Variants in CAMTA1 observed in about 807,000 individuals in gnomAD.
CAMTA1 encodes calmodulin binding transcription activator 1.
Under a neutral mutation model 170.9 loss-of-function variants are expected in CAMTA1, and 27 were observed. The observed-to-expected ratio is 0.16, with a 90% CI of 0.12 to 0.22. The LOEUF is 0.22. Among genes scored for constraint, CAMTA1 ranks in the 10% least tolerant of loss-of-function variants. CAMTA1 has a pLI of 1.00. For missense variants in CAMTA1, 1,619 were observed against 2,217.2 expected, an observed-to-expected ratio of 0.73 and a Z score of 5.42; for synonymous variants, 833 against 891.5, an observed-to-expected ratio of 0.93 and a Z score of 1.17.
In CAMTA1 at chr1:7,286,350, A is replaced by G. The variant is rs1043253825; in HGVS notation, c.438+36724A>G. Among the ~76,000 whole-genome samples, 1 of 152,192 alleles carries G rather than the reference A, an allele frequency of 6.6e-6. No individual in the cohort carries two copies. The highest frequency in any genetic ancestry group is 1.5e-5 in the Non-Finnish European group (1 of 68,036). ...AGCAACGATTCTTGATTTGAGGTCT[A>G]TGGGTGGTCCTGGAAGATCGTCATG... is the stretch of plus-strand genomic sequence containing the variant. On this transcript the variant is annotated intron_variant, in intron 5 of 22. Transcript: ENST00000303635. This position sits in a 1 kb window ranked among gnomAD's most constrained non-coding sequence, Gnocchi z 4.2.
chr1:7,005,692 C>T (rs565101553), intron 3 of CAMTA1, among the ~76,000 whole-genome samples: 5 of 152,292 alleles, frequency 3.3e-5, no homozygotes, highest in African/African-American at 1.2e-4. Context: ...TTCCTACGTA[C>T]GTAGGTATTC....
At chr1:7,531,936 G>A (rs2094496885) in intron 6 of CAMTA1, among the ~76,000 whole-genome samples, 1 of 152,138 alleles carries the variant, frequency 6.6e-6, no homozygotes, top group South Asian at 2.1e-4. Context: ...TGAACAGATA[G>A]TAATTTTTTT....
Position 6,887,969 on chromosome 1 carries a change from T to C in CAMTA1, c.234+62759T>C, listed in dbSNP as rs1310080156. 8.1e-7 allele frequency: 1 copy of C among 1,237,164 alleles called. No individual in the cohort carries two copies. The highest frequency in any genetic ancestry group is 1.5e-5 in the African/African-American group (1 of 65,184). 76.6% of individuals were successfully genotyped at this position (1,237,164 alleles called of 1,614,324 possible). ...GAGAGCAGGGCTCTGTGCACACGCC[T>C]CCTGGTCCAGAGGCCTCCGTGACCA... On this transcript the variant is annotated intron_variant, in intron 3 of 22. Coordinates refer to ENST00000303635, the MANE Select transcript of CAMTA1 (RefSeq NM_015215.4). The surrounding 1 kb of genome is among the most constrained non-coding windows in gnomAD (Gnocchi z 4.1).
chr1:7,624,138 G>A (rs569941076), intron 6 of CAMTA1, among the ~76,000 whole-genome samples: 106 of 152,356 alleles, frequency 7.0e-4, no homozygotes, highest in Middle Eastern at 6.8e-3. Context: ...CAAGGCAGCC[G>A]TGGTAAGACC....
rs564870781 is a variant in CAMTA1 at position 6,839,650 on chromosome 1, G to A, written c.234+14440G>A. ...AGGTGTGAGCACATCAGTAGATTTC[G>A]TAGGAAAGGCCTTTCTTAGGAAGTT... On this transcript the variant is annotated intron_variant, in intron 3 of 22. Transcript: ENST00000303635. Among the ~76,000 whole-genome samples the A allele has an allele frequency of 1.2e-4, 19 of 152,274 alleles. No homozygotes were observed. The South Asian group carries it at 3.3e-3, about 27-fold the overall frequency.
At chr1:7,539,431 A>T (rs1474143365) in intron 6 of CAMTA1, among the ~76,000 whole-genome samples, 1 of 152,242 alleles carries the variant, frequency 6.6e-6, no homozygotes, top group Non-Finnish European at 1.5e-5. Flanking sequence ...AATGAAAGAT[A>T]GTACAAGTGG....
chr1:7,174,497 C>A lies in CAMTA1; in HGVS notation c.303-74994C>A, dbSNP rs535618962. On this transcript the variant is annotated intron_variant, in intron 4 of 22. Coordinates refer to ENST00000303635, the MANE Select transcript of CAMTA1 (RefSeq NM_015215.4). ...TGCCTTGGATGAGAGAAGAGGTAAC[C>A]GAAACAGCTCTGGCATGACTGGAAG... 5.9e-5 allele frequency among the ~76,000 whole-genome samples: 9 copies of A among 152,258 alleles called. No individual in the cohort carries two copies. In the South Asian group the frequency reaches 1.5e-3, roughly 25 times the overall value.
rs564959182 is a variant in CAMTA1, at chr1:6,843,772, G to A, written c.234+18562G>A. Among the ~76,000 whole-genome samples the A allele has an allele frequency of 1.7e-4, 26 of 152,260 alleles. No homozygotes were observed. The South Asian group carries it at 4.4e-3, about 26-fold the overall frequency. On this transcript the variant is annotated intron_variant, in intron 3 of 22. Transcript: ENST00000303635. Reference sequence around the variant, plus strand: ...TGGGATTATAGGCATGAGCCACTGCGCCCGGCCCCAAACTTTTTTATAATT... The same window carrying A: ...TGGGATTATAGGCATGAGCCACTGCACCCGGCCCCAAACTTTTTTATAATT...
chr1:7,021,938 C>T (rs1701412599), intron 3 of CAMTA1, among the ~76,000 whole-genome samples: 2 of 152,138 alleles, frequency 1.3e-5, no homozygotes. Flanking sequence ...GTGGTTTATT[C>T]GGTAGGACAA....
chr1:7,225,846 G>A (rs1344872238), intron 4 of CAMTA1, among the ~76,000 whole-genome samples: 3 of 152,152 alleles, frequency 2.0e-5, no homozygotes, highest in African/African-American at 7.2e-5. Flanking sequence ...ACATCCCCTC[G>A]ACTGTTCCAG....
chr1:7,124,732 G>A (rs1644836326), intron 4 of CAMTA1, among the ~76,000 whole-genome samples: 1 of 152,250 alleles, frequency 6.6e-6, no homozygotes, highest in South Asian at 2.1e-4. Context: ...GCGAAGCACG[G>A]CGCTGACAGC....
At chr1:7,643,413 C>A (rs1437417398) in intron 7 of CAMTA1, among the ~76,000 whole-genome samples, 4 of 152,234 alleles carry the variant, frequency 2.6e-5, no homozygotes, top group African/African-American at 9.6e-5. Flanking sequence ...TTCAAGGTGG[C>A]TCCTACAGTC....
In CAMTA1 at chr1:7,293,970, TATC is replaced by T. The variant is rs1458156060; in HGVS notation, c.438+44348_438+44350del. On this transcript the variant is annotated intron_variant, in intron 5 of 22. Transcript: ENST00000303635. This position sits in a 1 kb window ranked among gnomAD's most constrained non-coding sequence, Gnocchi z 4.1. The stretch of plus-strand genomic sequence containing the variant: ...TCCCACCTGTTAAAGCTTGCAAAGA[TATC>T]ATCGGCAGGCATTTTCCCAGGGGAA... Among the ~76,000 whole-genome samples, 1 of 152,248 alleles carries T rather than the reference TATC, an allele frequency of 6.6e-6. No individual in the cohort carries two copies. The highest frequency in any genetic ancestry group is 1.5e-5 in the Non-Finnish European group (1 of 68,046).
At chr1:7,378,305 A>G (rs994264726) in intron 5 of CAMTA1, among the ~76,000 whole-genome samples, 5 of 152,204 alleles carry the variant, frequency 3.3e-5, no homozygotes, top group Admixed American at 6.5e-5. Flanking sequence ...AGCTTCAGAG[A>G]GAGAGAGGAA....
At position 7,736,208 on chromosome 1, in the gene CAMTA1, G is replaced by T; in HGVS notation, c.3067-136G>T. On this transcript the variant is annotated intron_variant, in intron 12 of 22. Coordinates refer to ENST00000303635, the MANE Select transcript of CAMTA1 (RefSeq NM_015215.4). The surrounding 1 kb of genome is among the most constrained non-coding windows in gnomAD (Gnocchi z 4.5). The stretch of plus-strand genomic sequence containing the variant: ...GCATGATCCAGCATGCCCAGCCAAT[G>T]TTTCTTTATTTTCAGTGTTTTATGT... The T allele has an allele frequency of 1.2e-6, 1 of 803,432 alleles. No individual in the cohort carries two copies. The highest frequency in any genetic ancestry group is 2.0e-6 in the Non-Finnish European group (1 of 509,288). The allele number at this position is 803,432 out of a possible 1,614,324, so 49.8% of individuals were successfully genotyped here.
chr1:7,058,890 C>CAT (rs1281977683), intron 3 of CAMTA1, among the ~76,000 whole-genome samples: 2 of 100,318 alleles, frequency 2.0e-5, no homozygotes, highest in African/African-American at 3.6e-5. Context: ...CACATACACA[C>CAT]ACACACTCTC....
At position 7,598,750 on chromosome 1, in the gene CAMTA1, T is replaced by C. The variant is rs566114873; in HGVS notation, c.511-41650T>C. On this transcript the variant is annotated intron_variant, in intron 6 of 22. Transcript: ENST00000303635. ...CATAAATGTCTTCTTTTGAGAAGTG[T>C]CTGTTCATGTCCTTTGCCCACTTTT... is the stretch of plus-strand genomic sequence containing the variant. 7.9e-5 allele frequency among the ~76,000 whole-genome samples: 12 copies of C among 152,372 alleles called. No individual in the cohort carries two copies. The South Asian group carries it at 2.3e-3, about 29-fold the overall frequency.
In CAMTA1 at chr1:6,876,311, G is replaced by A. The variant is rs112830983; in HGVS notation, c.234+51101G>A. 4.3e-4 allele frequency among the ~76,000 whole-genome samples: 65 copies of A among 152,030 alleles called. 1 individual carries two copies. The highest frequency in any genetic ancestry group is 1.5e-3 in the African/African-American group (62 of 41,498). On this transcript the variant is annotated intron_variant, in intron 3 of 22. Transcript: ENST00000303635. ...GTGAGGTCCCTGAAATCCTTCAGGT[G>A]CCTACCACAGAGTTGACGTGCAAAT... is the stretch of plus-strand genomic sequence containing the variant.
intron 3 of CAMTA1, among the ~76,000 whole-genome samples, chr1:6,883,443 A>C (rs1469581933): frequency 6.6e-6 from 1 of 151,950 alleles, no homozygotes; most frequent in Non-Finnish European, 1.5e-5. Flanking sequence ...GTAGGGCAGG[A>C]GAGGGCAGGA....
Sources: allele counts gnomAD v4.1 joint callset (sites outside exome capture counted in the v4.1 genomes callset), GRCh38; gene constraint gnomAD v4.1.1; non-coding constraint Gnocchi (gnomAD v3.1); transcripts MANE v1.5; gene names NCBI Gene and HGNC (gene_info 2026-07-23, HGNC 2026-07-21).